Variants in CTNNAL1 observed in about 807,000 individuals in gnomAD.
CTNNAL1 encodes the protein alpha-catulin.
A neutral mutation model predicts 93.6 loss-of-function variants in CTNNAL1; 69 were observed. That is an observed-to-expected ratio of 0.74 (90% CI 0.61 to 0.90). The LOEUF (loss-of-function observed/expected upper bound fraction) is 0.90. CTNNAL1 is among the 40% of genes least tolerant of loss of function. CTNNAL1 has a pLI of 0.00. For synonymous variants in CTNNAL1, 286 were observed against 305.4 expected (o/e 0.94, Z 0.66); for missense variants, 836 against 862.0 (o/e 0.97, Z 0.38).
At chr9:108,986,794 T>C (rs1273598081) in intron 4 of CTNNAL1, among the ~76,000 whole-genome samples, 2 of 152,386 alleles carry the variant, frequency 1.3e-5, no homozygotes, top group East Asian at 3.9e-4. Context: ...ATAAGCATTT[T>C]TTCATGTGTC....
chr9:108,950,255 A>T (rs1245218943), intron 14 of CTNNAL1, among the ~76,000 whole-genome samples: 1 of 152,236 alleles, frequency 6.6e-6, no homozygotes, highest in Non-Finnish European at 1.5e-5. Flanking sequence ...GGGTAAACAC[A>T]GGAGTTCCAT....
intron 1 of CTNNAL1, among the ~76,000 whole-genome samples, chr9:109,007,250 GA>G (rs897984446): frequency 1.7e-4 from 25 of 149,788 alleles, no homozygotes; most frequent in Non-Finnish European, 1.5e-4. Context: ...AGAAAAAAAA[GA>G]AAAAAAAACA....
At chr9:108,962,925 C>A (rs1033965869) in intron 11 of CTNNAL1, among the ~76,000 whole-genome samples, 5 of 152,106 alleles carry the variant, frequency 3.3e-5, no homozygotes, top group Admixed American at 2.0e-4. Flanking sequence ...GGATTGGAAC[C>A]TAGGCAGTCC....
At chr9:108,951,674 C>T (rs568971743) in intron 14 of CTNNAL1, among the ~76,000 whole-genome samples, 15 of 152,144 alleles carry the variant, frequency 9.9e-5, no homozygotes, top group African/African-American at 3.6e-4. Flanking sequence ...ACATTGACAT[C>T]AACAAGGCAT....
intron 1 of CTNNAL1, among the ~76,000 whole-genome samples, chr9:109,012,235 G>A (rs563334374): frequency 5.9e-5 from 9 of 152,328 alleles, no homozygotes; most frequent in African/African-American, 2.2e-4. Flanking sequence ...AGAGATAATA[G>A]CATTTAGAAT....
At chr9:108,994,871 C>T (rs1468736413) in intron 2 of CTNNAL1, among the ~76,000 whole-genome samples, 1 of 152,192 alleles carries the variant, frequency 6.6e-6, no homozygotes, top group African/African-American at 2.4e-5. Flanking sequence ...GCCCTTACTA[C>T]ACAGATAACT....
chr9:109,003,086 T>C (rs1269435814), intron 1 of CTNNAL1, among the ~76,000 whole-genome samples: 1 of 152,118 alleles, frequency 6.6e-6, no homozygotes, highest in Admixed American at 6.6e-5. Flanking sequence ...CAAGAAAGCA[T>C]CTAAAGATGA....
chr9:109,002,067 C>G (rs891487157), intron 1 of CTNNAL1, among the ~76,000 whole-genome samples: 1 of 152,116 alleles, frequency 6.6e-6, no homozygotes, highest in African/African-American at 2.4e-5. Flanking sequence ...GCATGATGAC[C>G]TTTGAGGAAG....
intron 17 of CTNNAL1, 133 bp downstream of exon 17, chr9:108,943,570 T>A: frequency 1.4e-6 from 1 of 704,492 alleles, no homozygotes; most frequent in Non-Finnish European, 2.3e-6. Context: ...AGATAATAAA[T>A]GATTCTTGTA....
chr9:108,972,864 G>GGGGGGGCCCCCCCCCCCCCCCCC, intron 8 of CTNNAL1, 31 bp from the exon 9 acceptor site: 2 of 142,572 alleles, frequency 1.4e-5, no homozygotes, highest in East Asian at 2.2e-4. Flanking sequence ...GGGGGGGTGG[G>GGGGGGGCCCCCCCCCCCCCCCCC]AGGGTGGAGA....
chr9:108,989,418 C>T (rs1831716335), intron 4 of CTNNAL1, among the ~76,000 whole-genome samples: 1 of 152,090 alleles, frequency 6.6e-6, no homozygotes, highest in Non-Finnish European at 1.5e-5. Flanking sequence ...ACAATAATGG[C>T]AGACAGAAAA....
At chr9:108,979,103 G>T (rs1011867432) in intron 7 of CTNNAL1, among the ~76,000 whole-genome samples, 178 bp downstream of exon 7, 1 of 152,148 alleles carries the variant, frequency 6.6e-6, no homozygotes, top group African/African-American at 2.4e-5. Context: ...GTCAAGTATT[G>T]TAAGTGCTAG....
chr9:108,979,800 A>T (rs1831375427), intron 6 of CTNNAL1, among the ~76,000 whole-genome samples: 1 of 152,274 alleles, frequency 6.6e-6, no homozygotes, highest in Admixed American at 6.5e-5. Context: ...CCTCCAGGTA[A>T]AAGATTTGCA....
In CTNNAL1 at chr9:108,952,582, T is replaced by C. The variant is rs1287211923; in HGVS notation, c.1630-88A>G. ...AATAGTAATACAAAGCATAACAAAG[T>C]ACTTGTAACAAAAGTTTAAAATATT... On this transcript the variant is annotated intron_variant, in intron 12 of 18. Transcript: ENST00000325551. The C allele has an allele frequency of 3.3e-6, 5 of 1,510,436 alleles. No homozygotes were observed. The East Asian group carries it at 1.2e-4, about 35-fold the overall frequency. The allele number at this position is 1,510,436 out of a possible 1,614,324, so 93.6% of individuals were successfully genotyped here.
intron 4 of CTNNAL1, among the ~76,000 whole-genome samples, chr9:108,987,347 A>G (rs982477992): frequency 6.8e-4 from 104 of 151,992 alleles, no homozygotes; most frequent in African/African-American, 2.2e-3. Context: ...GTAGATATGC[A>G]GCATTATTTC....
intron 8 of CTNNAL1, among the ~76,000 whole-genome samples, chr9:108,975,144 C>G (rs930143382): frequency 4.6e-5 from 7 of 152,056 alleles, no homozygotes; most frequent in Non-Finnish European, 8.8e-5. Flanking sequence ...GCTTGGGCAA[C>G]AGAGTGAGAC....
chr9:108,981,663 G>A (rs1364487501), intron 6 of CTNNAL1, among the ~76,000 whole-genome samples: 3 of 152,186 alleles, frequency 2.0e-5, no homozygotes, highest in Admixed American at 6.5e-5. Context: ...GGTGGTTCAC[G>A]CCTGTAATCC....
intron 8 of CTNNAL1, 31 bp from the exon 9 acceptor site, chr9:108,972,864 G>GGGGAA: frequency 2.1e-5 from 3 of 142,584 alleles, no homozygotes; most frequent in Non-Finnish European, 3.0e-5. Context: ...GGGGGGGTGG[G>GGGGAA]AGGGTGGAGA....
intron 1 of CTNNAL1, among the ~76,000 whole-genome samples, chr9:109,012,925 GC>G (rs1215773429): frequency 6.6e-6 from 1 of 152,270 alleles, no homozygotes; most frequent in East Asian, 1.9e-4. Flanking sequence ...GAGGGGCCCC[GC>G]GGGGGTCCTC....
Sources: allele counts gnomAD v4.1 joint callset (sites outside exome capture counted in the v4.1 genomes callset), GRCh38; gene constraint gnomAD v4.1.1; transcripts MANE v1.5; gene names NCBI Gene and HGNC (gene_info 2026-07-23, HGNC 2026-07-21).